The following ANK2 variants were observed in gnomAD, a reference collection of about 807,000 sequenced individuals.
The protein encoded by ANK2 is ankyrin 2.
A neutral mutation model predicts 360.5 loss-of-function variants in ANK2; 83 were observed. The observed-to-expected ratio is 0.23, with a 90% CI of 0.19 to 0.28. The LOEUF (loss-of-function observed/expected upper bound fraction) is 0.28, where lower values mean the gene tolerates loss of function less well. ANK2 is among the 10% of genes least tolerant of loss of function. The probability of loss-of-function intolerance (pLI) is 1.00; values close to 1 mark genes in which losing one functional copy is unlikely to be tolerated. For missense variants in ANK2, 4,201 were observed against 4,795.7 expected (o/e 0.88, Z 3.66); for synonymous variants, 1,740 against 1,759.5 (o/e 0.99, Z 0.28).
chr4:113,100,301 C>T (rs1022678646), intron 1 of ANK2, among the ~76,000 whole-genome samples: 2 of 152,034 alleles, frequency 1.3e-5, no homozygotes, highest in Admixed American at 1.3e-4. Flanking sequence ...ATCCAGTTTA[C>T]ACATGTGTAA....
At chr4:113,070,412 T>C (rs895087840) in intron 1 of ANK2, among the ~76,000 whole-genome samples, 3 of 152,140 alleles carry the variant, frequency 2.0e-5, no homozygotes, top group Non-Finnish European at 2.9e-5. Flanking sequence ...TAACCAAAAA[T>C]TACTTGGCAT....
chr4:113,112,361 A>G (rs1581920249), intron 1 of ANK2, among the ~76,000 whole-genome samples: 1 of 152,160 alleles, frequency 6.6e-6, no homozygotes, highest in African/African-American at 2.4e-5. Flanking sequence ...GGGCTGTTGC[A>G]CACTCATCTT....
chr4:112,756,154 T>A, the ANK2 span, among the ~76,000 whole-genome samples: 1 of 149,946 alleles, frequency 6.7e-6, no homozygotes, highest in Non-Finnish European at 1.5e-5. Flanking sequence ...AGGAGAATGG[T>A]GTGAACCCGG....
intron 1 of ANK2, among the ~76,000 whole-genome samples, chr4:113,066,973 T>C (rs1242416311): frequency 6.6e-6 from 1 of 151,980 alleles, no homozygotes; most frequent in Non-Finnish European, 1.5e-5. Context: ...GTGAGTGTTT[T>C]GTTGCTAGTT....
intron 15 of ANK2, among the ~76,000 whole-genome samples, chr4:113,275,307 T>C (rs2059829221): frequency 6.6e-6 from 1 of 152,200 alleles, no homozygotes; most frequent in African/African-American, 2.4e-5. Context: ...GCTTTATACA[T>C]GCTGTTTGAC....
At chr4:112,795,060 A>C in the ANK2 span, among the ~76,000 whole-genome samples, 1 of 152,328 alleles carries the variant, frequency 6.6e-6, no homozygotes, top group Admixed American at 6.5e-5. Flanking sequence ...TCTCTCCCCT[A>C]CAAATCTAAT....
chr4:113,288,332 C>T, intron 19 of ANK2, 56 bp from the exon 20 acceptor site: 4 of 1,417,388 alleles, frequency 2.8e-6, no homozygotes, highest in Non-Finnish European at 4.0e-6. Flanking sequence ...GTATTAACCA[C>T]TAGAGTAGTA....
intron 4 of ANK2, among the ~76,000 whole-genome samples, chr4:113,214,965 G>A (rs996125722): frequency 3.9e-5 from 6 of 151,984 alleles, no homozygotes; most frequent in Non-Finnish European, 7.4e-5. Context: ...CTATTTTATT[G>A]TACAGGAGAC....
intron 1 of ANK2, among the ~76,000 whole-genome samples, chr4:112,862,498 G>A (rs1293318468): frequency 1.3e-5 from 2 of 152,268 alleles, no homozygotes; most frequent in East Asian, 3.9e-4. Context: ...AAGGGCAGCT[G>A]TATACCAGAG....
intron 39 of ANK2, among the ~76,000 whole-genome samples, chr4:113,362,827 C>T (rs1041358448): frequency 3.3e-5 from 5 of 152,072 alleles, no homozygotes; most frequent in Admixed American, 1.3e-4. Context: ...AATGCTTCCT[C>T]GACCTCTTAT....
At chr4:112,827,206 GA>G (rs1278584547) in intron 1 of ANK2, 7 of 1,164,374 alleles carry the variant, frequency 6.0e-6, no homozygotes, top group Non-Finnish European at 9.1e-6. Flanking sequence ...CAAATTTCTT[GA>G]AAAGCTGGAT....
At chr4:112,759,672 A>C in the ANK2 span, among the ~76,000 whole-genome samples, 1 of 152,086 alleles carries the variant, frequency 6.6e-6, no homozygotes, top group Admixed American at 6.6e-5. Flanking sequence ...TCTGATTTTG[A>C]TTTGCTTCAG....
At chr4:113,061,466 T>C (rs1476067030) in intron 1 of ANK2, among the ~76,000 whole-genome samples, 1 of 152,140 alleles carries the variant, frequency 6.6e-6, no homozygotes, top group Non-Finnish European at 1.5e-5. Flanking sequence ...AAAGGAAGTA[T>C]GTTTTCCTTT....
At chr4:112,757,459 A>G in the ANK2 span, among the ~76,000 whole-genome samples, 12 of 152,342 alleles carry the variant, frequency 7.9e-5, no homozygotes, top group East Asian at 2.3e-3. Flanking sequence ...CAGTATTAAC[A>G]AAAGTCTACA....
At chr4:113,097,289 C>G (rs2091509277) in intron 1 of ANK2, among the ~76,000 whole-genome samples, 1 of 151,668 alleles carries the variant, frequency 6.6e-6, no homozygotes, top group Admixed American at 6.6e-5. Flanking sequence ...TCTGATAGAT[C>G]TCTGTGCTAG....
chr4:113,151,679 A>T (rs760044489), intron 1 of ANK2, among the ~76,000 whole-genome samples: 1 of 152,120 alleles, frequency 6.6e-6, no homozygotes, highest in Non-Finnish European at 1.5e-5. Flanking sequence ...TGTATAAAAC[A>T]TATTTACTAT....
rs545895774 is a variant in ANK2, at chr4:112,868,591, A to G, written c.-39-35864A>G. 2.0e-5 allele frequency among the ~76,000 whole-genome samples: 3 copies of G among 152,362 alleles called. No homozygotes were observed. In the South Asian group the frequency reaches 6.2e-4, roughly 32 times the overall value. On this transcript the variant is annotated intron_variant, in intron 1 of 30. Coordinates refer to the ANK2 transcript ENST00000503271. ...CATTATAGCAATTAAATTTCAATGT[A>G]AGCTTTGGAGGAGATATTCAAACCA...
intron 2 of ANK2, among the ~76,000 whole-genome samples, chr4:112,992,146 T>C (rs2154279218): frequency 6.6e-6 from 1 of 150,580 alleles, no homozygotes; most frequent in East Asian, 1.9e-4. Flanking sequence ...AATCTACTTC[T>C]ACTTTTTTTT....
chr4:112,978,711 A>G (rs2042195402), intron 2 of ANK2, among the ~76,000 whole-genome samples: 1 of 151,842 alleles, frequency 6.6e-6, no homozygotes, highest in Admixed American at 6.6e-5. Flanking sequence ...ACATTTATCC[A>G]TTTACCTCTC....
Sources: allele counts gnomAD v4.1 joint callset (sites outside exome capture counted in the v4.1 genomes callset), GRCh38; gene constraint gnomAD v4.1.1; transcripts MANE v1.5; gene names NCBI Gene and HGNC (gene_info 2026-07-23, HGNC 2026-07-21).